Variants in HDAC1 observed in about 807,000 individuals in gnomAD.
The protein encoded by HDAC1 is protein deacetylase HDAC1.
HDAC1 carries 18 observed loss-of-function variants against 65.5 expected under a neutral mutation model. That is an observed-to-expected ratio of 0.27 (90% CI 0.19 to 0.41). The LOEUF is 0.41. HDAC1 is among the 10% of genes least tolerant of loss of function. HDAC1 has a pLI of 1.00. For missense variants in HDAC1, 373 were observed against 625.2 expected (o/e 0.60, Z 4.30); for synonymous variants, 211 against 227.9 (o/e 0.93, Z 0.67).
rs1332296042 is a variant in HDAC1 at position 32,333,234 on chromosome 1, GCCAC to G, written c.*194_*197del. On this transcript the variant is annotated 3_prime_UTR_variant, in exon 14 of 14. Transcript: ENST00000373548. Reference sequence around the variant, plus strand: ...GGTGAGCTCTTCCAGGAGCCACCTTGCCACCCATTCTTCCCGTTCTTAACTTTGA... The same window carrying G: ...GGTGAGCTCTTCCAGGAGCCACCTTGCCATTCTTCCCGTTCTTAACTTTGA... 1 of 479,398 alleles carries G rather than the reference GCCAC, an allele frequency of 2.1e-6. No homozygotes were observed. The highest frequency in any genetic ancestry group is 3.7e-6 in the Non-Finnish European group (1 of 270,404). 29.7% of individuals were successfully genotyped at this position (479,398 alleles called of 1,614,324 possible).
intron 3 of HDAC1, among the ~76,000 whole-genome samples, chr1:32,319,864 C>G (rs1248254542): frequency 6.6e-6 from 1 of 151,904 alleles, no homozygotes; most frequent in Non-Finnish European, 1.5e-5. Context: ...GAGGTATGGT[C>G]TCATTTCGCC....
rs1365035257 is a variant in HDAC1, at chr1:32,329,902, G to A, written c.730-676G>A. 1 of 157,284 alleles carries A rather than the reference G, an allele frequency of 6.4e-6. No individual in the cohort carries two copies. Among genetic ancestry groups the A allele is most frequent in the African/African-American group, 2.4e-5 (1 of 41,452 alleles). 9.7% of individuals were successfully genotyped at this position (157,284 alleles called of 1,614,324 possible). On this transcript the variant is annotated intron_variant, in intron 7 of 13. Coordinates refer to ENST00000373548, the MANE Select transcript of HDAC1 (RefSeq NM_004964.3). The surrounding 1 kb of genome is among the most constrained non-coding windows in gnomAD (Gnocchi z 4.1). ...ATGGCACTAGCAGAAGTGCAGAGGT[G>A]CCAGTGTGGCAGCATGTAGGCCAGT... is the stretch of plus-strand genomic sequence containing the variant.
intron 1 of HDAC1, among the ~76,000 whole-genome samples, chr1:32,301,401 G>A (rs1319603461): frequency 3.9e-5 from 6 of 151,998 alleles, no homozygotes; most frequent in African/African-American, 9.6e-5. Context: ...AGCTGAGATC[G>A]CGCCACTGCA....
At chr1:32,320,086 G>A (rs1341167200) in intron 3 of HDAC1, among the ~76,000 whole-genome samples, 1 of 152,072 alleles carries the variant, frequency 6.6e-6, no homozygotes, top group Non-Finnish European at 1.5e-5. Context: ...CGGACGTGGT[G>A]GCAGGCGCTT....
At chr1:32,306,214 G>A (rs1640909484) in intron 2 of HDAC1, among the ~76,000 whole-genome samples, 1 of 142,722 alleles carries the variant, frequency 7.0e-6, no homozygotes, top group Non-Finnish European at 1.5e-5. Flanking sequence ...TTTTGAGACA[G>A]AGTTTTGCTC....
At chr1:32,328,009 T>G (rs1641241975) in intron 6 of HDAC1, among the ~76,000 whole-genome samples, 1 of 152,216 alleles carries the variant, frequency 6.6e-6, no homozygotes, top group Non-Finnish European at 1.5e-5. Flanking sequence ...TCAAGTGTTC[T>G]TCATGTTTTT....
At chr1:32,312,508 C>T (rs1374719190) in intron 2 of HDAC1, among the ~76,000 whole-genome samples, 4 of 151,238 alleles carry the variant, frequency 2.6e-5, no homozygotes, top group East Asian at 1.9e-4. Flanking sequence ...TACAGGCGCC[C>T]GCCACCACAC....
rs548575771 is a variant in HDAC1 at position 32,293,772 on chromosome 1, C to T, written c.49+1554C>T. On this transcript the variant is annotated intron_variant, in intron 1 of 13. Coordinates refer to ENST00000373548, the MANE Select transcript of HDAC1 (RefSeq NM_004964.3). Reference sequence around the variant, plus strand: ...CAAAAATTACCCGGGTGTGGTGGTGCGCACCTGTAATCCCAGCTACTCAGG... The same window carrying T: ...CAAAAATTACCCGGGTGTGGTGGTGTGCACCTGTAATCCCAGCTACTCAGG... 8.6e-5 allele frequency among the ~76,000 whole-genome samples: 13 copies of T among 151,872 alleles called. No individual in the cohort carries two copies. The East Asian group carries it at 1.2e-3, about 14-fold the overall frequency.
intron 1 of HDAC1, among the ~76,000 whole-genome samples, chr1:32,294,642 G>A (rs886279656): frequency 1.3e-5 from 2 of 151,246 alleles, no homozygotes; most frequent in African/African-American, 4.9e-5. Context: ...AGCCTCTCCA[G>A]TAGCTGGGAC....
At chr1:32,303,385 G>T (rs892284798) in intron 2 of HDAC1, among the ~76,000 whole-genome samples, 20 of 152,210 alleles carry the variant, frequency 1.3e-4, no homozygotes, top group Admixed American at 3.9e-4. Flanking sequence ...TTGAGTCTGG[G>T]AAGCAGAGGT....
chr1:32,327,777 G>A lies in HDAC1; in HGVS notation c.636+100G>A. 1.0e-6 allele frequency: 1 copy of A among 1,002,870 alleles called. No homozygotes were observed. The highest frequency in any genetic ancestry group is 1.6e-6 in the Non-Finnish European group (1 of 640,730). The allele number at this position is 1,002,870 out of a possible 1,614,324, so 62.1% of individuals were successfully genotyped here. On this transcript the variant is annotated intron_variant, in intron 6 of 13. Coordinates refer to ENST00000373548, the MANE Select transcript of HDAC1 (RefSeq NM_004964.3). This position sits in a 1 kb window ranked among gnomAD's most constrained non-coding sequence, Gnocchi z 6.0. The stretch of plus-strand genomic sequence containing the variant: ...CTAAAAATTGCTTCTTGCCTCTTCT[G>A]CCAATCAGAATACCACATCCCAATC...
chr1:32,314,542 T>C (rs1295500001), intron 2 of HDAC1, among the ~76,000 whole-genome samples: 1 of 151,960 alleles, frequency 6.6e-6, no homozygotes, highest in Non-Finnish European at 1.5e-5. Context: ...TATAGAGATA[T>C]TTCGCCGGGC....
At chr1:32,299,479 C>T (rs933044431) in intron 1 of HDAC1, among the ~76,000 whole-genome samples, 1 of 152,130 alleles carries the variant, frequency 6.6e-6, no homozygotes, top group African/African-American at 2.4e-5. Context: ...CCTCACTACC[C>T]TCACCTCAGA....
At chr1:32,332,966 C>A (rs374467155) in intron 13 of HDAC1, 51 bp from the exon 14 acceptor site, 73 of 1,600,336 alleles carry the variant, frequency 4.6e-5, no homozygotes, top group Non-Finnish European at 5.7e-5. Flanking sequence ...GCACTTTTGC[C>A]CTGAGGCTCT....
intron 1 of HDAC1, among the ~76,000 whole-genome samples, chr1:32,295,877 C>T (rs1376667996): frequency 6.6e-6 from 1 of 152,026 alleles, no homozygotes; most frequent in Non-Finnish European, 1.5e-5. Context: ...ATAGGCATGA[C>T]CCACCATTCC....
At chr1:32,307,763 T>C (rs991425285) in intron 2 of HDAC1, among the ~76,000 whole-genome samples, 1 of 152,116 alleles carries the variant, frequency 6.6e-6, no homozygotes, top group African/African-American at 2.4e-5. Context: ...GGGATGAAGA[T>C]GGATTGTTAG....
chr1:32,330,427 G>A lies in HDAC1; in HGVS notation c.730-151G>A. 1 of 669,204 alleles carries A rather than the reference G, an allele frequency of 1.5e-6. No individual in the cohort carries two copies. Among genetic ancestry groups the A allele is most frequent in the Non-Finnish European group, 2.7e-6 (1 of 373,120 alleles). The allele number at this position is 669,204 out of a possible 1,614,324, so 41.5% of individuals were successfully genotyped here. A position where few individuals can be genotyped will look rare whatever the true frequency, so the allele number is the denominator to read the frequency against. ...TGAAATCCCAAGTGGGCAAGCAAGG[G>A]CTCCAGCCTAGCACTCCCTTTTCTC... On this transcript the variant is annotated intron_variant, in intron 7 of 13. Coordinates refer to ENST00000373548, the MANE Select transcript of HDAC1 (RefSeq NM_004964.3). This position sits in a 1 kb window ranked among gnomAD's most constrained non-coding sequence, Gnocchi z 4.2.
chr1:32,323,271 A>C (rs1641173459), intron 3 of HDAC1, among the ~76,000 whole-genome samples: 1 of 152,096 alleles, frequency 6.6e-6, no homozygotes, highest in Non-Finnish European at 1.5e-5. Context: ...ACTATACTCC[A>C]GCCTGGGCAA....
chr1:32,316,140 C>T (rs1641059498), intron 2 of HDAC1, among the ~76,000 whole-genome samples: 1 of 151,832 alleles, frequency 6.6e-6, no homozygotes, highest in East Asian at 1.9e-4. Flanking sequence ...AAAAATTAGC[C>T]GGGCGTGGTG....
Sources: allele counts gnomAD v4.1 joint callset (sites outside exome capture counted in the v4.1 genomes callset), GRCh38; gene constraint gnomAD v4.1.1; non-coding constraint Gnocchi (gnomAD v3.1); transcripts MANE v1.5; gene names NCBI Gene and HGNC (gene_info 2026-07-23, HGNC 2026-07-21).